Variants in TRERF1 observed in about 807,000 individuals in gnomAD.
The protein encoded by TRERF1 is transcriptional-regulating factor 1.
A neutral mutation model predicts 122.9 loss-of-function variants in TRERF1; 27 were observed. That is an observed-to-expected ratio of 0.22 (90% CI 0.16 to 0.30). The LOEUF is 0.30. Among genes scored for constraint, TRERF1 ranks in the 10% least tolerant of loss-of-function variants. The pLI is 1.00. For missense variants in TRERF1, 1,248 were observed against 1,560.3 expected (o/e 0.80, Z 3.37); for synonymous variants, 636 against 641.7 (o/e 0.99, Z 0.13).
At chr6:42,236,535 T>C in intron 15 of TRERF1, 124 bp from the exon 16 acceptor site, 1 of 1,389,146 alleles carries the variant, frequency 7.2e-7, no homozygotes, top group African/African-American at 1.4e-5. Context: ...CCTTTCTTTC[T>C]GCATAAGGAA....
chr6:42,448,284 CAA>C (rs1486706950), intron 2 of TRERF1, among the ~76,000 whole-genome samples: 2 of 152,148 alleles, frequency 1.3e-5, no homozygotes. Context: ...AAGGATTAGA[CAA>C]GTTAACCAAC....
At chr6:42,323,495 C>G (rs1763793043) in intron 3 of TRERF1, among the ~76,000 whole-genome samples, 1 of 152,008 alleles carries the variant, frequency 6.6e-6, no homozygotes, top group Non-Finnish European at 1.5e-5. Flanking sequence ...CCGCGCCTGG[C>G]CTCCCCCAGT....
At chr6:42,234,161 A>C (rs897375204) in intron 16 of TRERF1, among the ~76,000 whole-genome samples, 1 of 152,148 alleles carries the variant, frequency 6.6e-6, no homozygotes, top group African/African-American at 2.4e-5. Context: ...TTGGGGAATA[A>C]ATCATCCCCA....
intron 16 of TRERF1, among the ~76,000 whole-genome samples, chr6:42,233,500 T>C (rs930518396): frequency 1.3e-5 from 2 of 152,096 alleles, no homozygotes; most frequent in Non-Finnish European, 1.5e-5. Context: ...TTAGCCAGGA[T>C]GGTCTCGATC....
intron 3 of TRERF1, among the ~76,000 whole-genome samples, chr6:42,317,306 G>A (rs1762659647): frequency 6.6e-6 from 1 of 151,956 alleles, no homozygotes; most frequent in South Asian, 2.1e-4. Flanking sequence ...AACCTGTTGG[G>A]TAATTATACC....
intron 4 of TRERF1, among the ~76,000 whole-genome samples, chr6:42,271,262 G>A (rs1451362354): frequency 2.6e-5 from 4 of 151,646 alleles, no homozygotes; most frequent in Non-Finnish European, 5.9e-5. Flanking sequence ...GGATGGCAGA[G>A]GTGCAAGCTG....
chr6:42,266,189 T>C lies in TRERF1; in HGVS notation c.1438-392A>G, dbSNP rs977894238. ...GCCAGGAGACCCCCTGATGGAATTCTTTTTTTTTTTTTTTTTTGAGACAGG... is the reference window on the plus strand; with the variant it reads ...GCCAGGAGACCCCCTGATGGAATTCCTTTTTTTTTTTTTTTTTGAGACAGG... On this transcript the variant is annotated intron_variant, in intron 5 of 17. Transcript: ENST00000372922. Among the ~76,000 whole-genome samples the C allele has an allele frequency of 1.0e-4, 6 of 60,216 alleles. No individual in the cohort carries two copies. The East Asian group carries it at 7.4e-3, about 74-fold the overall frequency. 39.5% of individuals were successfully genotyped at this position (60,216 alleles called of 152,430 possible). A position where few individuals can be genotyped will look rare whatever the true frequency, so the allele number is the denominator to read the frequency against.
intron 2 of TRERF1, among the ~76,000 whole-genome samples, chr6:42,372,672 G>A (rs1482524029): frequency 1.3e-5 from 2 of 152,242 alleles, no homozygotes; most frequent in Non-Finnish European, 2.9e-5. Context: ...AGGGATGGCA[G>A]AGAATCGCCT....
At chr6:42,380,890 C>T (rs1258229567) in intron 2 of TRERF1, among the ~76,000 whole-genome samples, 1 of 152,214 alleles carries the variant, frequency 6.6e-6, no homozygotes, top group Non-Finnish European at 1.5e-5. Flanking sequence ...CACTCTCCCT[C>T]CTGCCTCCTC....
At chr6:42,339,134 G>T (rs260272) in intron 3 of TRERF1, among the ~76,000 whole-genome samples, 1 of 152,172 alleles carries the variant, frequency 6.6e-6, no homozygotes, top group Non-Finnish European at 1.5e-5. Context: ...ATCTATCCTT[G>T]AGGTCACTGC....
intron 2 of TRERF1, among the ~76,000 whole-genome samples, chr6:42,440,042 A>G (rs1786210610): frequency 6.6e-6 from 1 of 152,178 alleles, no homozygotes; most frequent in Non-Finnish European, 1.5e-5. Flanking sequence ...ACAAGTTGTC[A>G]GCAAAGCCAC....
In TRERF1 at chr6:42,299,200, TTCTATCTA is replaced by T. The variant is rs70987591; in HGVS notation, c.-259+1430_-259+1437del. Among the ~76,000 whole-genome samples, 1,451 of 146,700 alleles carry T rather than the reference TTCTATCTA, an allele frequency of 9.9e-3. 17 individuals carry two copies. The highest frequency in any genetic ancestry group is 0.061 in the East Asian group (303 of 4,958). On this transcript the variant is annotated intron_variant, in intron 4 of 17. Transcript: ENST00000372922. Reference sequence around the variant, plus strand: ...AAAAACACACATAGAGTCTGTTTTTTTCTATCTATCTATCTATCTATCTATCTATCTAT... The same window carrying T: ...AAAAACACACATAGAGTCTGTTTTTTTCTATCTATCTATCTATCTATCTAT...
chr6:42,425,343 A>G (rs1240855370), intron 2 of TRERF1, among the ~76,000 whole-genome samples: 1 of 151,462 alleles, frequency 6.6e-6, no homozygotes, highest in East Asian at 1.9e-4. Flanking sequence ...TATGGAATAA[A>G]TATGACAGCC....
At chr6:42,225,008 G>GTGTC (rs1200124799), downstream of TRERF1, 2 of 152,232 alleles carry the variant, frequency 1.3e-5, no homozygotes, top group Non-Finnish European at 2.9e-5. Flanking sequence ...AAATATGACA[G>GTGTC]TGTCTGTTTG....
chr6:42,308,005 C>T (rs1787585893), intron 3 of TRERF1, among the ~76,000 whole-genome samples: 2 of 152,250 alleles, frequency 1.3e-5, no homozygotes, highest in African/African-American at 4.8e-5. Flanking sequence ...GCACCCTATG[C>T]ATTCCCAGTA....
intron 4 of TRERF1, among the ~76,000 whole-genome samples, chr6:42,280,616 A>G (rs1048121625): frequency 6.6e-6 from 1 of 152,092 alleles, no homozygotes; most frequent in Non-Finnish European, 1.5e-5. Context: ...CCTGTTCTTC[A>G]TGGTGCTATG....
At position 42,365,642 on chromosome 6, in the gene TRERF1, A is replaced by T. The variant is rs139270551; in HGVS notation, c.-453-2563T>A. Among the ~76,000 whole-genome samples the T allele has an allele frequency of 4.4e-3, 669 of 152,322 alleles. 3 individuals are homozygous for T. Among genetic ancestry groups the T allele is most frequent in the Non-Finnish European group, 6.0e-3 (405 of 68,026 alleles). On this transcript the variant is annotated intron_variant, in intron 2 of 17. Coordinates refer to ENST00000372922, the Ensembl canonical transcript of TRERF1. ...TATCTATAGATGACAAAACAGGTTG[A>T]AAGAGATGAAGTAATTTGCTCAAGG...
intron 3 of TRERF1, among the ~76,000 whole-genome samples, chr6:42,320,336 T>C (rs1405376329): frequency 6.6e-6 from 1 of 152,176 alleles, no homozygotes; most frequent in African/African-American, 2.4e-5. Flanking sequence ...CTTTAGGTGG[T>C]GGAGCGTTTA....
Position 42,275,089 on chromosome 6 carries a change from T to C in TRERF1, c.-258-5241A>G, listed in dbSNP as rs908593886. Reference sequence around the variant, plus strand: ...CCGTCTTATACAGATGGTAGCGTGCTACGCCGTGGTTTAGCATCTTGCCAA... The same window carrying C: ...CCGTCTTATACAGATGGTAGCGTGCCACGCCGTGGTTTAGCATCTTGCCAA... On this transcript the variant is annotated intron_variant, in intron 4 of 17. Coordinates refer to ENST00000372922, the Ensembl canonical transcript of TRERF1. This position sits in a 1 kb window ranked among gnomAD's most constrained non-coding sequence, Gnocchi z 4.1. Among the ~76,000 whole-genome samples, 1 of 152,260 alleles carries C rather than the reference T, an allele frequency of 6.6e-6. No individual in the cohort carries two copies. Among genetic ancestry groups the C allele is most frequent in the African/African-American group, 2.4e-5 (1 of 41,474 alleles).
Sources: gnomAD v4.1 joint callset for allele counts (sites outside exome capture counted in the v4.1 genomes callset) on GRCh38, gnomAD v4.1.1 for gene constraint, Gnocchi (gnomAD v3.1) non-coding constraint, MANE v1.5 for transcripts, NCBI Gene and HGNC (gene_info 2026-07-23, HGNC 2026-07-21) for gene names.